The following FGF14 variants were observed in gnomAD, a reference collection of about 807,000 sequenced individuals.
The protein encoded by FGF14 is fibroblast growth factor homologous factor 4.
A neutral mutation model predicts 25.5 loss-of-function variants in FGF14; 5 were observed. That is an observed-to-expected ratio of 0.20 (90% CI 0.10 to 0.41). The LOEUF is 0.41. FGF14 is among the 10% of genes least tolerant of loss of function. The probability of loss-of-function intolerance (pLI) is 1.00; values close to 1 mark genes in which losing one functional copy is unlikely to be tolerated. For synonymous variants in FGF14, 138 were observed against 118.3 expected (o/e 1.17, Z -1.08); for missense variants, 222 against 320.1 (o/e 0.69, Z 2.34).
At chr13:101,886,449 A>G (rs2045992815) in intron 1 of FGF14, among the ~76,000 whole-genome samples, 1 of 152,230 alleles carries the variant, frequency 6.6e-6, no homozygotes, top group African/African-American at 2.4e-5. Context: ...GGGGAAAAGG[A>G]CACTTTCTTT....
chr13:101,962,638 T>A (rs1016566810), intron 1 of FGF14, among the ~76,000 whole-genome samples: 1 of 152,202 alleles, frequency 6.6e-6, no homozygotes, highest in Non-Finnish European at 1.5e-5. Context: ...AATTGTAAAA[T>A]AAATTATACA....
At chr13:102,347,749 G>A (rs1006188764) in intron 1 of FGF14, among the ~76,000 whole-genome samples, 3 of 152,062 alleles carry the variant, frequency 2.0e-5, no homozygotes, top group Admixed American at 6.5e-5. Flanking sequence ...ATCAGGCCTC[G>A]GAACACTAGG....
At chr13:102,042,369 T>C (rs1566610590) in intron 1 of FGF14, among the ~76,000 whole-genome samples, 1 of 152,218 alleles carries the variant, frequency 6.6e-6, no homozygotes, top group African/African-American at 2.4e-5. Flanking sequence ...CACTGCAGTC[T>C]AGCTCAGTGA....
intron 1 of FGF14, among the ~76,000 whole-genome samples, chr13:101,960,304 A>G (rs2036766783): frequency 6.6e-6 from 1 of 152,104 alleles, no homozygotes; most frequent in African/African-American, 2.4e-5. Context: ...TCCATCACCT[A>G]GGTATTAAGC....
intron 1 of FGF14, among the ~76,000 whole-genome samples, chr13:102,251,973 A>T (rs2052198343): frequency 6.6e-6 from 1 of 152,162 alleles, no homozygotes; most frequent in Admixed American, 6.6e-5. Context: ...GCTATGACCC[A>T]CAAATGGATA....
chr13:101,847,545 A>G (rs1416931922), intron 3 of FGF14, among the ~76,000 whole-genome samples: 1 of 152,140 alleles, frequency 6.6e-6, no homozygotes, highest in African/African-American at 2.4e-5. Flanking sequence ...TTTGTGATTA[A>G]GCATGTCTGT....
intron 1 of FGF14, among the ~76,000 whole-genome samples, chr13:102,250,279 T>C (rs1258529239): frequency 1.3e-5 from 2 of 152,194 alleles, no homozygotes; most frequent in East Asian, 1.9e-4. Flanking sequence ...ACAATTTCCC[T>C]GGGACACAGG....
intron 1 of FGF14, among the ~76,000 whole-genome samples, chr13:102,204,963 A>G (rs942934551): frequency 4.6e-5 from 7 of 152,198 alleles, no homozygotes; most frequent in African/African-American, 1.4e-4. Context: ...AAGAGATAAA[A>G]TGTCTTGGTA....
intron 1 of FGF14, among the ~76,000 whole-genome samples, chr13:102,026,288 A>C (rs1363764148): frequency 1.3e-5 from 2 of 151,986 alleles, no homozygotes; most frequent in African/African-American, 4.8e-5. Context: ...TGGGATAGAT[A>C]TTTCCATTTG....
chr13:101,906,900 T>C (rs2032314214), intron 1 of FGF14, among the ~76,000 whole-genome samples: 1 of 152,042 alleles, frequency 6.6e-6, no homozygotes, highest in Non-Finnish European at 1.5e-5. Flanking sequence ...AAGGAACAAA[T>C]CTATCCATGA....
chr13:102,144,189 T>A (rs2046758936), intron 1 of FGF14, among the ~76,000 whole-genome samples: 1 of 152,102 alleles, frequency 6.6e-6, no homozygotes, highest in Non-Finnish European at 1.5e-5. Flanking sequence ...CTAATATATA[T>A]CTATGGCATG....
At chr13:101,733,547 A>C (rs1356738241) in intron 3 of FGF14, among the ~76,000 whole-genome samples, 1 of 146,858 alleles carries the variant, frequency 6.8e-6, no homozygotes, top group Non-Finnish European at 1.5e-5. Context: ...GTGAGCGGAG[A>C]TTGTGCCACT....
intron 1 of FGF14, among the ~76,000 whole-genome samples, chr13:102,042,162 A>G (rs754357477): frequency 4.6e-5 from 7 of 152,160 alleles, no homozygotes; most frequent in Non-Finnish European, 8.8e-5. Context: ...CATGATAGGA[A>G]CTCCTATGTG....
At chr13:102,135,017 CCACACACACACACACACACA>C (rs71125050) in intron 1 of FGF14, among the ~76,000 whole-genome samples, 318 of 142,658 alleles carry the variant, frequency 2.2e-3, no homozygotes, top group African/African-American at 7.3e-3. Flanking sequence ...GACCCCGTGT[CCACACACACACACACACACA>C]CACACACACA....
At chr13:102,165,545 C>A (rs1228655912) in intron 1 of FGF14, among the ~76,000 whole-genome samples, 1 of 151,084 alleles carries the variant, frequency 6.6e-6, no homozygotes, top group Non-Finnish European at 1.5e-5. Context: ...AACCATCATT[C>A]TCAGCAAACT....
intron 1 of FGF14, among the ~76,000 whole-genome samples, chr13:102,299,519 A>G (rs1396773798): frequency 6.6e-6 from 1 of 152,124 alleles, no homozygotes; most frequent in Non-Finnish European, 1.5e-5. Flanking sequence ...GCTAGCAAGC[A>G]GGCAAGAGAT....
intron 3 of FGF14, among the ~76,000 whole-genome samples, chr13:101,820,068 C>A (rs1171359590): frequency 6.6e-6 from 1 of 152,114 alleles, no homozygotes. Flanking sequence ...GAATTAATTA[C>A]ACCGATATAA....
chr13:102,356,524 T>C (rs2057422006), intron 1 of FGF14, among the ~76,000 whole-genome samples: 1 of 152,216 alleles, frequency 6.6e-6, no homozygotes. Context: ...AAAAGTTATA[T>C]GTTACCTAAA....
At chr13:102,200,895 G>A (rs551240573) in intron 1 of FGF14, among the ~76,000 whole-genome samples, 97 of 152,030 alleles carry the variant, frequency 6.4e-4, no homozygotes, top group African/African-American at 2.2e-3. Flanking sequence ...GAGGTCGGGA[G>A]ATCGAGACCA....
Sources: allele counts gnomAD v4.1 joint callset (sites outside exome capture counted in the v4.1 genomes callset), GRCh38; gene constraint gnomAD v4.1.1; transcripts MANE v1.5; gene names NCBI Gene and HGNC (gene_info 2026-07-23, HGNC 2026-07-21).